Variants in CENPL observed in about 807,000 individuals in gnomAD.
CENPL encodes centromere protein L.
Under a neutral mutation model 35.2 loss-of-function variants are expected in CENPL, and 20 were observed. The ratio of observed to expected loss-of-function variants is 0.57; its 90% CI spans 0.40 to 0.83. The LOEUF (loss-of-function observed/expected upper bound fraction) is 0.83, where lower values mean the gene tolerates loss of function less well. Among genes scored for constraint, CENPL ranks in the 40% least tolerant of loss-of-function variants. The probability of loss-of-function intolerance (pLI) is 0.00; values close to 1 mark genes in which losing one functional copy is unlikely to be tolerated. For missense variants in CENPL, 363 were observed against 395.8 expected (o/e 0.92, Z 0.70); for synonymous variants, 140 against 140.6 (o/e 1.00, Z 0.03).
At chr1:173,802,299 G>C (rs973210634) in intron 5 of CENPL, among the ~76,000 whole-genome samples, 1 of 151,810 alleles carries the variant, frequency 6.6e-6, no homozygotes, top group African/African-American at 2.4e-5. Flanking sequence ...TCCGCCTCTC[G>C]GGTTCACACC....
Position 173,800,170 on chromosome 1 carries a change from T to G in CENPL, c.*278A>C. On this transcript the variant is annotated 3_prime_UTR_variant, in exon 6 of 6. Coordinates refer to ENST00000682279, the MANE Select transcript of CENPL (RefSeq NM_001387287.1). ...CCACCAAGCCCAGCCTATATATATA[T>G]ATTTAAAGATGACAAGAAATTAACA... 4.8e-6 allele frequency: 1 copy of G among 209,032 alleles called. No individual in the cohort carries two copies. 12.9% of individuals were successfully genotyped at this position (209,032 alleles called of 1,614,324 possible).
intron 5 of CENPL, 92 bp from the exon 6 acceptor site, chr1:173,800,611 G>A (rs1420547803): frequency 6.8e-6 from 4 of 585,594 alleles, no homozygotes; most frequent in Non-Finnish European, 1.2e-5. Flanking sequence ...TGTTATATTG[G>A]TTTAACTTCT....
intron 2 of CENPL, among the ~76,000 whole-genome samples, chr1:173,820,430 T>G (rs1449914287): frequency 3.3e-5 from 5 of 150,946 alleles, no homozygotes; most frequent in African/African-American, 1.2e-4. Context: ...GCAGGAGGAG[T>G]GCTTGAGCCC....
At chr1:173,819,640 T>C (rs948362079) in intron 2 of CENPL, among the ~76,000 whole-genome samples, 1 of 152,174 alleles carries the variant, frequency 6.6e-6, no homozygotes. Flanking sequence ...AATTACCCTT[T>C]TGAAAAGTTT....
Position 173,803,255 on chromosome 1 carries a change from A to G in CENPL, c.671T>C (p.Met224Thr). ...ATGGTCCATTTTGCATGCAGTCCAC[A>G]TGGCAGCCATCCAGGAAAGATTAAA... ...NAFNLSWMAA[M>T]WTACKMDHYV... Residue 224 changes from methionine to threonine, a missense_variant, in exon 5 of 6, where the codon ATG (methionine) becomes ACG (threonine). Met to Thr is a moderately conservative substitution (Grantham distance 81, BLOSUM62 -1). Coordinates refer to ENST00000682279, the MANE Select transcript of CENPL (RefSeq NM_001387287.1). 1 of 1,614,012 alleles carries G rather than the reference A, an allele frequency of 6.2e-7. No homozygotes were observed. The highest frequency in any genetic ancestry group is 1.1e-5 in the South Asian group (1 of 91,086).
intron 2 of CENPL, among the ~76,000 whole-genome samples, chr1:173,818,086 T>C (rs185033754): frequency 1.3e-3 from 201 of 152,172 alleles, no homozygotes; most frequent in African/African-American, 4.6e-3. Flanking sequence ...CAAACCAACA[T>C]GGCACATGTA....
At chr1:173,819,865 GTTT>G (rs79246292) in intron 2 of CENPL, among the ~76,000 whole-genome samples, 33,037 of 148,850 alleles carry the variant, frequency 0.22, 4,162 homozygotes, top group Middle Eastern at 0.39. Flanking sequence ...CTAATTTTTT[GTTT>G]GTTTTTTTTT....
intron 4 of CENPL, 25 bp from the exon 5 acceptor site, chr1:173,803,530 T>C (rs781429094): frequency 5.3e-6 from 8 of 1,520,966 alleles, no homozygotes; most frequent in Non-Finnish European, 7.1e-6. Context: ...AACAGGCTCC[T>C]TAAATTCAAA....
chr1:173,802,330 C>T (rs916306704), intron 5 of CENPL, among the ~76,000 whole-genome samples: 3 of 152,050 alleles, frequency 2.0e-5, no homozygotes, highest in Admixed American at 6.6e-5. Flanking sequence ...CTCAGCCTCC[C>T]CCAGTAGCTG....
In CENPL at chr1:173,799,701, T is replaced by C. The variant is rs1456147505; in HGVS notation, c.*747A>G. ...TTGCCAGTTCTCCGCAGTGAAATGC[T>C]AGGAAAATGTCTTTAGAAGACAGAA... On this transcript the variant is annotated 3_prime_UTR_variant, in exon 6 of 6. Coordinates refer to ENST00000682279, the MANE Select transcript of CENPL (RefSeq NM_001387287.1). 3 of 152,248 alleles carry C rather than the reference T, an allele frequency of 2.0e-5. No homozygotes were observed. Among genetic ancestry groups the C allele is most frequent in the Admixed American group, 6.5e-5 (1 of 15,276 alleles). The allele number at this position is 152,248 out of a possible 1,614,324, so 9.4% of individuals were successfully genotyped here. A position where few individuals can be genotyped will look rare whatever the true frequency, so the allele number is the denominator to read the frequency against.
intron 3 of CENPL, 50 bp downstream of exon 3, chr1:173,811,082 C>T: frequency 6.5e-7 from 1 of 1,532,824 alleles, no homozygotes; most frequent in East Asian, 2.3e-5. Flanking sequence ...ATGTTTTGTT[C>T]ACAGATATTC....
At chr1:173,803,595 C>G (rs968543924) in intron 4 of CENPL, 90 bp from the exon 5 acceptor site, 176 of 1,182,510 alleles carry the variant, frequency 1.5e-4, no homozygotes, top group Admixed American at 9.2e-4. Flanking sequence ...AAAAATAAGA[C>G]GAGCCAATGT....
In CENPL at chr1:173,803,033, TG is replaced by T; in HGVS notation, c.892del (p.His298IlefsTer7). On this transcript the variant is annotated frameshift_variant, in exon 5 of 6. Coordinates refer to ENST00000682279, the MANE Select transcript of CENPL (RefSeq NM_001387287.1). LOFTEE classifies it high-confidence loss of function. ...ACGAACTAATCTTGTGGCTGATAAA[TG>T]AATTTTGAAATGTCTATGGAAATGT... ...YSHFHRHFKI[H>X]LSATRLVRVS... is the part of the protein sequence containing the mutation. The T allele has an allele frequency of 6.2e-7, 1 of 1,613,850 alleles. No individual in the cohort carries two copies. The highest frequency in any genetic ancestry group is 8.5e-7 in the Non-Finnish European group (1 of 1,179,744).
intron 2 of CENPL, among the ~76,000 whole-genome samples, chr1:173,818,028 T>C (rs1032064017): frequency 2.0e-5 from 3 of 151,980 alleles, no homozygotes; most frequent in Non-Finnish European, 4.4e-5. Flanking sequence ...GGGGGAGGGA[T>C]AGCATTAGGA....
At chr1:173,821,156 T>C (rs1557849932) in intron 2 of CENPL, among the ~76,000 whole-genome samples, 1 of 152,250 alleles carries the variant, frequency 6.6e-6, no homozygotes, top group Non-Finnish European at 1.5e-5. Context: ...TGAGCATTCA[T>C]CATGTTTCAG....
chr1:173,811,025 T>C (rs1650767366), intron 3 of CENPL, 107 bp downstream of exon 3: 3 of 906,096 alleles, frequency 3.3e-6, no homozygotes, highest in Admixed American at 4.5e-5. Context: ...TTTTATTAGC[T>C]GAGGGGTTAA....
At position 173,824,035 on chromosome 1, in the gene CENPL, A is replaced by C. The variant is rs1485301918; in HGVS notation, c.-101-16T>G. The stretch of plus-strand genomic sequence containing the variant: ...CTGAAATCCCCTGAAGAAAAAAAAA[A>C]AAAACCGCCAAAATGACAGCTAAGA... On this transcript the variant is annotated splice_polypyrimidine_tract_variant and intron_variant, in intron 1 of 5. Coordinates refer to ENST00000682279, the MANE Select transcript of CENPL (RefSeq NM_001387287.1). The C allele has an allele frequency of 6.6e-6, 1 of 151,858 alleles. No individual in the cohort carries two copies. Among genetic ancestry groups the C allele is most frequent in the Non-Finnish European group, 1.5e-5 (1 of 67,954 alleles). 9.4% of individuals were successfully genotyped at this position (151,858 alleles called of 1,614,324 possible).
Position 173,824,240 on chromosome 1 carries a change from G to A in CENPL, c.-130C>T, listed in dbSNP as rs1339744262. ...GCTCTGCGACCCTCGCTCCTGCGGAGTCAGCTTCTGCTCGCGGAGGGGGAA... is the reference window on the plus strand; with the variant it reads ...GCTCTGCGACCCTCGCTCCTGCGGAATCAGCTTCTGCTCGCGGAGGGGGAA... On this transcript the variant is annotated 5_prime_UTR_variant, in exon 1 of 6. Transcript: ENST00000682279. The A allele has an allele frequency of 6.6e-6, 1 of 152,278 alleles. No individual in the cohort carries two copies. The highest frequency in any genetic ancestry group is 1.5e-5 in the Non-Finnish European group (1 of 68,116). The allele number at this position is 152,278 out of a possible 1,614,324, so 9.4% of individuals were successfully genotyped here.
Position 173,813,276 on chromosome 1 carries a change from C to T in CENPL, c.-7-1970G>A, listed in dbSNP as rs564931129. Among the ~76,000 whole-genome samples the T allele has an allele frequency of 4.4e-3, 676 of 152,200 alleles. 5 individuals carry two copies. Among genetic ancestry groups the T allele is most frequent in the African/African-American group, 0.015 (636 of 41,528 alleles). On this transcript the variant is annotated intron_variant, in intron 2 of 5. Coordinates refer to ENST00000682279, the MANE Select transcript of CENPL (RefSeq NM_001387287.1). ...GCAGGATATTATCCAGGAGAACTTCCCCAACCTAGCAAGGCAGGCCAACAT... is the reference window on the plus strand; with the variant it reads ...GCAGGATATTATCCAGGAGAACTTCTCCAACCTAGCAAGGCAGGCCAACAT...
Sources: allele counts gnomAD v4.1 joint callset (sites outside exome capture counted in the v4.1 genomes callset), GRCh38; gene constraint gnomAD v4.1.1; transcripts MANE v1.5; gene names NCBI Gene and HGNC (gene_info 2026-07-23, HGNC 2026-07-21).